Variants in GOLGA6L9 observed in about 807,000 individuals in gnomAD.
The protein encoded by GOLGA6L9 is golgin A6 family like 9, also known as golgin subfamily A member 6-like protein 9.
GOLGA6L9 carries 19 observed loss-of-function variants against 51.3 expected under a neutral mutation model. The observed-to-expected ratio is 0.37, with a 90% CI of 0.26 to 0.54. The LOEUF is 0.54. Among genes scored for constraint, GOLGA6L9 ranks in the 20% least tolerant of loss-of-function variants. GOLGA6L9 has a pLI of 0.83. For synonymous variants in GOLGA6L9, 97 were observed against 184.2 expected (o/e 0.53, Z 3.83); for missense variants, 247 against 464.1 (o/e 0.53, Z 4.30).
the GOLGA6L9 span, among the ~76,000 whole-genome samples, chr15:82,418,211 C>G: frequency 6.6e-6 from 1 of 152,090 alleles, no homozygotes; most frequent in African/African-American, 2.4e-5. Context: ...GCCTTCTCTG[C>G]AAAATAATTT....
the GOLGA6L9 span, among the ~76,000 whole-genome samples, chr15:82,416,401 C>G: frequency 2.0e-5 from 3 of 151,778 alleles, no homozygotes; most frequent in East Asian, 3.9e-4. Flanking sequence ...AGGGGAGTAA[C>G]AGTAAAGAAA....
chr15:82,433,095 C>T (rs2031482227), intron 4 of GOLGA6L9, among the ~76,000 whole-genome samples, 198 bp downstream of exon 4: 1 of 151,472 alleles, frequency 6.6e-6, no homozygotes, highest in African/African-American at 2.4e-5. Flanking sequence ...TTTGCTGACT[C>T]TCTCTTCTCC....
Position 82,435,010 on chromosome 15 carries a change from C to G in GOLGA6L9, c.1063+81C>G. 7.3e-6 allele frequency: 7 copies of G among 956,284 alleles called. 2 individuals carry two copies. The South Asian group carries it at 1.1e-4, about 14-fold the overall frequency. The allele number at this position is 956,284 out of a possible 1,614,324, so 59.2% of individuals were successfully genotyped here. A position where few individuals can be genotyped will look rare whatever the true frequency, so the allele number is the denominator to read the frequency against. On this transcript the variant is annotated intron_variant, in intron 7 of 8. Coordinates refer to ENST00000618348, the MANE Select transcript of GOLGA6L9 (RefSeq NM_198181.4). ...CACCAGCCTCTGGGGAGGGGAGGTG[C>G]CAGGCCACAGGCAGCTGCAGCCTGG...
Position 82,432,611 on chromosome 15 carries a change from A to G in GOLGA6L9, c.244A>G (p.Thr82Ala). 6.2e-7 allele frequency: 1 copy of G among 1,604,712 alleles called. No homozygotes were observed. The highest frequency in any genetic ancestry group is 8.5e-7 in the Non-Finnish European group (1 of 1,179,626). The change falls in exon 3 of 9, where the codon ACT (threonine) becomes GCT (alanine). Residue 82 changes from threonine (T) to alanine (A), a missense_variant. By Grantham distance (58) the Thr-to-Ala change is moderately conservative. Around this residue, in one of 9 missense-constraint regions of GOLGA6L9, gnomAD observed 74 missense variants for 91.2 expected, o/e 0.81. Transcript: ENST00000618348. ...CTACGGGGAGGGCCGTGCATCCTCT[A>G]CTACCCTGCAGGATCTGGAGGTAAG... ...GIYGEGRASSTTLQDLESQYQ... is the reference protein window; with the variant it reads ...GIYGEGRASSATLQDLESQYQ...
chr15:82,433,459 A>G, intron 4 of GOLGA6L9, 103 bp from the exon 5 acceptor site: 3 of 627,360 alleles, frequency 4.8e-6, no homozygotes, highest in Non-Finnish European at 5.6e-6. Flanking sequence ...CACGTTTCTA[A>G]ATCACAAACT....
In GOLGA6L9 at chr15:82,436,427, T is replaced by C; in HGVS notation, c.*16T>C. 6.5e-7 allele frequency: 1 copy of C among 1,548,566 alleles called. No individual in the cohort carries two copies. The highest frequency in any genetic ancestry group is 2.3e-4 in the Middle Eastern group (1 of 4,292). On this transcript the variant is annotated 3_prime_UTR_variant, in exon 9 of 9. Coordinates refer to ENST00000618348, the MANE Select transcript of GOLGA6L9 (RefSeq NM_198181.4). The stretch of plus-strand genomic sequence containing the variant: ...CATCATCTAAGAGCGGGTCAAGAAA[T>C]TGAAAAAAAAAAACAAAACATTTAA...
intron 5 of GOLGA6L9, 58 bp from the exon 6 acceptor site, chr15:82,433,976 A>G (rs1255413320): frequency 7.9e-7 from 1 of 1,271,584 alleles, no homozygotes; most frequent in Non-Finnish European, 1.0e-6. Flanking sequence ...CAAAGGGAGG[A>G]TTTTTTTTTT....
At chr15:82,432,709 C>T in intron 3 of GOLGA6L9, 78 bp downstream of exon 3, 3 of 1,587,088 alleles carry the variant, frequency 1.9e-6, no homozygotes, top group Non-Finnish European at 2.6e-6. Flanking sequence ...GGCTTGTTGC[C>T]CCTCTGCCAG....
Position 82,437,805 on chromosome 15 carries a change from G to A in GOLGA6L9, c.*1394G>A, listed in dbSNP as rs2031755680. 6.6e-6 allele frequency: 1 copy of A among 151,148 alleles called. No homozygotes were observed. The highest frequency in any genetic ancestry group is 1.5e-5 in the Non-Finnish European group (1 of 67,810). The allele number at this position is 151,148 out of a possible 1,614,324, so 9.4% of individuals were successfully genotyped here. The stretch of plus-strand genomic sequence containing the variant: ...CAACGTAAAACGTTTACAAACTGCA[G>A]CACAATCTACTGTTCGTGAATGTCA... On this transcript the variant is annotated 3_prime_UTR_variant, in exon 9 of 9. Coordinates refer to ENST00000618348, the MANE Select transcript of GOLGA6L9 (RefSeq NM_198181.4).
At chr15:82,419,912 G>C in the GOLGA6L9 span, 1 of 244,382 alleles carries the variant, frequency 4.1e-6, no homozygotes, top group African/African-American at 2.3e-5. Context: ...TATGCCATTT[G>C]GTTAGGCCTT....
rs1235026682 is a variant in GOLGA6L9, at chr15:82,439,008, CTT to C, written c.*2600_*2601del. 6.8e-6 allele frequency: 1 copy of C among 147,808 alleles called. No individual in the cohort carries two copies. Among genetic ancestry groups the C allele is most frequent in the African/African-American group, 2.5e-5 (1 of 39,850 alleles). 9.2% of individuals were successfully genotyped at this position (147,808 alleles called of 1,614,324 possible). Reference sequence around the variant, plus strand: ...TATTTGCCAAGTTTTCTTAGAATGACTTTTACCGATTTATGAATTCTTATACA... The same window carrying C: ...TATTTGCCAAGTTTTCTTAGAATGACTTACCGATTTATGAATTCTTATACA... On this transcript the variant is annotated 3_prime_UTR_variant, in exon 9 of 9. Transcript: ENST00000618348.
chr15:82,429,803 C>T (rs1372660681), upstream of GOLGA6L9, among the ~76,000 whole-genome samples: 2 of 152,134 alleles, frequency 1.3e-5, no homozygotes, highest in Admixed American at 6.5e-5. Flanking sequence ...CTCCCCTCTC[C>T]CAGAGTGGGC....
At chr15:82,418,950 T>C in the GOLGA6L9 span, among the ~76,000 whole-genome samples, 1 of 152,210 alleles carries the variant, frequency 6.6e-6, no homozygotes, top group African/African-American at 2.4e-5. Context: ...GTTTTTGACA[T>C]CATAAAAATT....
At chr15:82,420,265 C>T in the GOLGA6L9 span, among the ~76,000 whole-genome samples, 1 of 152,066 alleles carries the variant, frequency 6.6e-6, no homozygotes, top group African/African-American at 2.4e-5. Flanking sequence ...CTGATAATCA[C>T]TTAATGATTT....
In GOLGA6L9 at chr15:82,432,556, C is replaced by G. The variant is rs2031451498; in HGVS notation, c.205-16C>G. Reference sequence around the variant, plus strand: ...GGGGGACAGAACATCTCCATGTGCACTCTCATCTCTTGGAGTCAGCAACAG... The same window carrying G: ...GGGGGACAGAACATCTCCATGTGCAGTCTCATCTCTTGGAGTCAGCAACAG... On this transcript the variant is annotated splice_polypyrimidine_tract_variant and intron_variant, in intron 2 of 8. Coordinates refer to ENST00000618348, the MANE Select transcript of GOLGA6L9 (RefSeq NM_198181.4). 3 of 1,601,544 alleles carry G rather than the reference C, an allele frequency of 1.9e-6. No individual in the cohort carries two copies. The African/African-American group carries it at 4.0e-5, about 21-fold the overall frequency.
At chr15:82,419,676 A>G in the GOLGA6L9 span, among the ~76,000 whole-genome samples, 3 of 152,202 alleles carry the variant, frequency 2.0e-5, no homozygotes, top group South Asian at 6.2e-4. Context: ...ACAAAACAAA[A>G]AAAACAGAAT....
the GOLGA6L9 span, among the ~76,000 whole-genome samples, chr15:82,417,363 G>A: frequency 6.6e-6 from 1 of 152,178 alleles, no homozygotes; most frequent in Non-Finnish European, 1.5e-5. Flanking sequence ...GTAAGAATTT[G>A]GAACACATAT....
At chr15:82,428,997 G>C (rs1207060312), upstream of GOLGA6L9, among the ~76,000 whole-genome samples, 1 of 152,116 alleles carries the variant, frequency 6.6e-6, no homozygotes, top group Admixed American at 6.5e-5. Context: ...CCTTGTATTT[G>C]TTTTAAACCA....
the GOLGA6L9 span, chr15:82,420,065 G>A: frequency 2.5e-5 from 10 of 401,690 alleles, no homozygotes; most frequent in South Asian, 1.9e-4. Flanking sequence ...GTGCAGCTTG[G>A]AGCAAAGAAG....
Sources: gnomAD v4.1 joint callset for allele counts (sites outside exome capture counted in the v4.1 genomes callset) on GRCh38, gnomAD v4.1.1 for gene constraint, gnomAD v4.1.1 regional missense constraint, MANE v1.5 for transcripts, NCBI Gene and HGNC (gene_info 2026-07-23, HGNC 2026-07-21) for gene names.